Variants in PCDHA6 observed in about 807,000 individuals in gnomAD.
The protein encoded by PCDHA6 is protocadherin alpha 6.
In PCDHA6, 55 loss-of-function variants were observed where a neutral mutation model predicts 60.3. The observed-to-expected ratio is 0.91, with a 90% CI of 0.73 to 1.14. The LOEUF (loss-of-function observed/expected upper bound fraction) is 1.14. Among genes scored for constraint, PCDHA6 ranks in the 50% most tolerant of loss-of-function variants. The pLI is 0.00. For synonymous variants in PCDHA6, 652 were observed against 557.9 expected (o/e 1.17, Z -2.38); for missense variants, 1,327 against 1,256.5 (o/e 1.06, Z -0.85).
At chr5:140,861,541 A>C (rs2046969106) in intron 1 of PCDHA6, 1 of 426,724 alleles carries the variant, frequency 2.3e-6, no homozygotes, top group Admixed American at 2.3e-5. Context: ...TGCAGCATCC[A>C]CCTGGAAGTG....
rs782673935 is a variant in PCDHA6 at position 140,857,328 on chromosome 5, G to A, written c.2394+26843G>A. ...GCCTATGAGCTGGTGGTGACCGCGC[G>A]GGACGGGGGCTCGCCTCCGCTGTGG... is the stretch of plus-strand genomic sequence containing the variant. On this transcript the variant is annotated intron_variant, in intron 1 of 3. Transcript: ENST00000529310. 7.5e-6 allele frequency: 12 copies of A among 1,598,502 alleles called. 1 individual carries two copies. The highest frequency in any genetic ancestry group is 1.3e-5 in the African/African-American group (1 of 74,410).
intron 1 of PCDHA6, among the ~76,000 whole-genome samples, chr5:140,924,534 C>G (rs1488047727): frequency 1.3e-5 from 2 of 152,134 alleles, no homozygotes; most frequent in African/African-American, 2.4e-5. Context: ...AATGCCCGAG[C>G]TACCCCTCTC....
At position 141,010,088 on chromosome 5, in the gene PCDHA6, C is replaced by T. The variant is rs1165296922; in HGVS notation, c.*151C>T. ...GAAAGTTCCCTGTGTCTGTCTAGAA[C>T]GCATTTAACAGGTTTTGTCGTAAAA... On this transcript the variant is annotated 3_prime_UTR_variant, in exon 4 of 4. Transcript: ENST00000529310. 2.0e-5 allele frequency: 33 copies of T among 1,612,012 alleles called. No homozygotes were observed. Among genetic ancestry groups the T allele is most frequent in the South Asian group, 4.4e-5 (4 of 90,728 alleles).
In PCDHA6 at chr5:140,870,516, C is replaced by A. The variant is rs568100247; in HGVS notation, c.2394+40031C>A. The A allele has an allele frequency of 2.2e-4, 361 of 1,614,240 alleles. 3 individuals carry two copies. In the South Asian group the frequency reaches 3.8e-3, roughly 17 times the overall value. ...TGAAGGAGAACAACCCACCAGGCTG[C>A]CACATCTTCACAGTGTCGGCGCGGG... is the stretch of plus-strand genomic sequence containing the variant. On this transcript the variant is annotated intron_variant, in intron 1 of 3. Coordinates refer to ENST00000529310, the MANE Select transcript of PCDHA6 (RefSeq NM_018909.4).
chr5:140,836,311 C>T (rs1774359365), intron 1 of PCDHA6: 4 of 1,613,662 alleles, frequency 2.5e-6, no homozygotes, highest in Admixed American at 3.3e-5. Flanking sequence ...ACGGACGCAC[C>T]GCGCCACCGC....
rs1554131920 is a variant in PCDHA6, at chr5:140,829,388, C to A, written c.1297C>A (p.Pro433Thr). 6 of 1,614,056 alleles carry A rather than the reference C, an allele frequency of 3.7e-6. No homozygotes were observed. Among genetic ancestry groups the A allele is most frequent in the Non-Finnish European group, 5.1e-6 (6 of 1,180,056 alleles). ...LVVTARDGGSPSLWATASLSV... is the reference protein window; with the variant it reads ...LVVTARDGGSTSLWATASLSV... ...GGTAACCGCGCGGGACGGGGGCTCG[C>A]CTTCGCTGTGGGCCACCGCCAGCTT... The change falls in exon 1 of 4, where the codon CCT (proline) becomes ACT (threonine). Residue 433 changes from proline (P) to threonine (T), a missense_variant. Physicochemically the swap from Pro to Thr is conservative, Grantham distance 38. Coordinates refer to ENST00000529310, the MANE Select transcript of PCDHA6 (RefSeq NM_018909.4).
chr5:140,950,720 T>C (rs2094512536), intron 1 of PCDHA6, among the ~76,000 whole-genome samples: 1 of 152,106 alleles, frequency 6.6e-6, no homozygotes, highest in South Asian at 2.1e-4. Flanking sequence ...CTTATATCCT[T>C]AAATTTTTTA....
chr5:140,992,377 A>T (rs1258714441), intron 3 of PCDHA6, among the ~76,000 whole-genome samples: 1 of 152,150 alleles, frequency 6.6e-6, no homozygotes, highest in African/African-American at 2.4e-5. Flanking sequence ...CCATTACATT[A>T]TTGTGTTCTG....
chr5:141,000,499 C>T (rs2097942558), intron 3 of PCDHA6, among the ~76,000 whole-genome samples: 1 of 138,650 alleles, frequency 7.2e-6, no homozygotes, highest in African/African-American at 2.7e-5. Context: ...AAGATCTCGG[C>T]TCACTGCAAC....
intron 1 of PCDHA6, chr5:140,851,152 C>G (rs1379835863): frequency 1.5e-6 from 2 of 1,304,948 alleles, no homozygotes; most frequent in African/African-American, 3.1e-5. Flanking sequence ...CATTGAATTT[C>G]TGATGCTATG....
intron 1 of PCDHA6, chr5:140,841,554 G>A (rs2150318076): frequency 0.54 from 859,933 of 1,603,294 alleles, 234,437 homozygotes; most frequent in African/African-American, 0.71. Context: ...CTGGAGGTAA[G>A]TCTGCAGAAT....
At chr5:140,881,358 T>A in intron 1 of PCDHA6, 1 of 985,286 alleles carries the variant, frequency 1.0e-6, no homozygotes, top group Non-Finnish European at 1.2e-6. Flanking sequence ...AATGCGTGGC[T>A]TTCGTATGAA....
intron 1 of PCDHA6, among the ~76,000 whole-genome samples, chr5:140,905,145 T>C (rs1264141592): frequency 1.3e-5 from 2 of 152,252 alleles, no homozygotes; most frequent in African/African-American, 4.8e-5. Context: ...TCTGCTGTTA[T>C]ATTTTAGAAT....
chr5:140,900,502 C>T (rs1242310833), intron 1 of PCDHA6, among the ~76,000 whole-genome samples: 3 of 152,184 alleles, frequency 2.0e-5, no homozygotes, highest in Non-Finnish European at 4.4e-5. Context: ...GTCTCAAATT[C>T]CCAGCCTCAG....
intron 1 of PCDHA6, chr5:140,876,602 G>A (rs572945874): frequency 6.2e-7 from 1 of 1,614,180 alleles, no homozygotes; most frequent in Non-Finnish European, 8.5e-7. Flanking sequence ...GTGTCGGATC[G>A]TGACTCTGGA....
intron 1 of PCDHA6, chr5:140,836,557 C>T (rs2150263942): frequency 1.2e-6 from 2 of 1,613,660 alleles, no homozygotes; most frequent in Non-Finnish European, 1.7e-6. Context: ...CGGTGCTCAG[C>T]GCCGTCCTCT....
intron 3 of PCDHA6, among the ~76,000 whole-genome samples, chr5:140,991,446 A>G (rs782325342): frequency 6.6e-6 from 1 of 152,202 alleles, no homozygotes; most frequent in Non-Finnish European, 1.5e-5. Flanking sequence ...ATGGCTTAAA[A>G]CAACACAATG....
chr5:140,937,130 C>T (rs899242411), intron 1 of PCDHA6, among the ~76,000 whole-genome samples: 12 of 151,674 alleles, frequency 7.9e-5, no homozygotes, highest in Non-Finnish European at 1.3e-4. Flanking sequence ...CTCCGCCTCC[C>T]GGGTTCATGC....
At chr5:140,844,047 C>T (rs2150368498) in intron 1 of PCDHA6, among the ~76,000 whole-genome samples, 3 of 149,604 alleles carry the variant, frequency 2.0e-5, no homozygotes, top group East Asian at 1.9e-4. Context: ...TGAAAGTATT[C>T]CCCCAAAGCG....
Sources: gnomAD v4.1 joint callset for allele counts (sites outside exome capture counted in the v4.1 genomes callset) on GRCh38, gnomAD v4.1.1 for gene constraint, MANE v1.5 for transcripts, NCBI Gene and HGNC (gene_info 2026-07-23, HGNC 2026-07-21) for gene names.